MAGI1: variants seen among roughly 807,000 people sequenced by gnomAD.
MAGI1 encodes membrane associated guanylate kinase, WW and PDZ domain containing 1, also known as membrane-associated guanylate kinase, WW and PDZ domain-containing protein 1.
In MAGI1, 58 loss-of-function variants were observed where a neutral mutation model predicts 139.9. The ratio of observed to expected loss-of-function variants is 0.41; its 90% CI spans 0.34 to 0.52. MAGI1 has a LOEUF of 0.52. MAGI1 is among the 20% of genes least tolerant of loss of function. MAGI1 has a pLI of 0.12. For synonymous variants in MAGI1, 812 were observed against 737.9 expected, an observed-to-expected ratio of 1.10 and a Z score of -1.63; for missense variants, 1,874 against 1,901.6, an observed-to-expected ratio of 0.99 and a Z score of 0.27.
rs35498262 is a variant in MAGI1, at chr3:65,912,236, C to CAA, written c.313+125758_313+125759dup. The stretch of plus-strand genomic sequence containing the variant: ...TGGAAAACAAAGAAAACTCTGATCT[C>CAA]AAAAAAAAAAAAAAAAGAGTTCTGC... On this transcript the variant is annotated intron_variant, in intron 1 of 22. Transcript: ENST00000402939. 5.7e-3 allele frequency among the ~76,000 whole-genome samples: 743 copies of CAA among 130,946 alleles called. 12 individuals carry two copies. The highest frequency in any genetic ancestry group is 0.014 in the African/African-American group (520 of 36,286). 85.9% of individuals were successfully genotyped at this position (130,946 alleles called of 152,430 possible).
chr3:65,881,910 T>C (rs1233460550), intron 1 of MAGI1, among the ~76,000 whole-genome samples: 4 of 152,152 alleles, frequency 2.6e-5, no homozygotes, highest in Non-Finnish European at 4.4e-5. Flanking sequence ...GAAACGGCCC[T>C]AGCTAGGCAG....
intron 1 of MAGI1, among the ~76,000 whole-genome samples, chr3:65,809,606 T>C (rs2041090415): frequency 6.6e-6 from 1 of 152,138 alleles, no homozygotes; most frequent in Non-Finnish European, 1.5e-5. Flanking sequence ...TCAGCTGTGA[T>C]GGAAAACTCA....
intron 1 of MAGI1, among the ~76,000 whole-genome samples, chr3:65,860,186 G>A (rs1397998401): frequency 2.0e-5 from 3 of 152,058 alleles, no homozygotes; most frequent in East Asian, 1.9e-4. Context: ...GTCAGCCACC[G>A]CATCCAGCCT....
chr3:65,739,644 C>T (rs1038795262), intron 1 of MAGI1, among the ~76,000 whole-genome samples: 29 of 152,056 alleles, frequency 1.9e-4, no homozygotes, highest in African/African-American at 7.0e-4. Context: ...TTAAAGAGTC[C>T]ATTGCAGGGT....
At chr3:65,759,547 A>C (rs1275115830) in intron 1 of MAGI1, among the ~76,000 whole-genome samples, 2 of 152,196 alleles carry the variant, frequency 1.3e-5, no homozygotes, top group Non-Finnish European at 2.9e-5. Flanking sequence ...AAAAGCATCT[A>C]CTGCAAAATA....
chr3:65,659,011 G>A (rs983742161), intron 1 of MAGI1, among the ~76,000 whole-genome samples: 1 of 152,206 alleles, frequency 6.6e-6, no homozygotes, highest in Non-Finnish European at 1.5e-5. Context: ...CCTCTTGTAC[G>A]ATAAATGCCA....
chr3:65,527,923 AG>A (rs201940700), intron 2 of MAGI1, among the ~76,000 whole-genome samples: 6 of 151,494 alleles, frequency 4.0e-5, no homozygotes, highest in Admixed American at 6.6e-5. Flanking sequence ...AAAAAAAAAA[AG>A]TTAATTATAT....
At chr3:65,615,771 C>T (rs2083337293) in intron 2 of MAGI1, among the ~76,000 whole-genome samples, 1 of 152,142 alleles carries the variant, frequency 6.6e-6, no homozygotes, top group South Asian at 2.1e-4. Flanking sequence ...TATCTAATCC[C>T]ATGATTTTTT....
intron 1 of MAGI1, among the ~76,000 whole-genome samples, chr3:65,898,853 C>A (rs551000847): frequency 1.3e-5 from 2 of 152,188 alleles, no homozygotes; most frequent in South Asian, 4.2e-4. Context: ...ATCATATGTA[C>A]CCCATGAATA....
At chr3:65,860,056 T>C (rs901304846) in intron 1 of MAGI1, among the ~76,000 whole-genome samples, 3 of 151,952 alleles carry the variant, frequency 2.0e-5, no homozygotes, top group African/African-American at 4.8e-5. Flanking sequence ...CCACCATGCC[T>C]GGCTAATTTT....
chr3:65,944,349 C>A (rs2063458749), intron 1 of MAGI1, among the ~76,000 whole-genome samples: 1 of 151,482 alleles, frequency 6.6e-6, no homozygotes, highest in African/African-American at 2.4e-5. Flanking sequence ...TCTATCTCTA[C>A]AAAAAATAAA....
intron 1 of MAGI1, among the ~76,000 whole-genome samples, chr3:65,730,987 T>A (rs2034130166): frequency 6.7e-6 from 1 of 148,798 alleles, no homozygotes; most frequent in African/African-American, 2.4e-5. Flanking sequence ...AGAATCACAA[T>A]GAATCAAGTT....
At chr3:65,608,231 C>T (rs1276162306) in intron 2 of MAGI1, among the ~76,000 whole-genome samples, 1 of 152,102 alleles carries the variant, frequency 6.6e-6, no homozygotes, top group African/African-American at 2.4e-5. Context: ...CACCTGAGGT[C>T]AGGAGTTTGA....
chr3:65,913,662 A>C (rs1348573778), intron 1 of MAGI1, among the ~76,000 whole-genome samples: 1 of 152,224 alleles, frequency 6.6e-6, no homozygotes, highest in East Asian at 1.9e-4. Flanking sequence ...CAAATCCCTA[A>C]CAAAGTATTG....
At chr3:65,740,156 C>T (rs1413174026) in intron 1 of MAGI1, among the ~76,000 whole-genome samples, 3 of 152,178 alleles carry the variant, frequency 2.0e-5, no homozygotes, top group African/African-American at 7.2e-5. Context: ...CACACAGAAA[C>T]ATAACAACCC....
intron 6 of MAGI1, 175 bp downstream of exon 6, chr3:65,453,083 G>A (rs1329332887): frequency 1.7e-6 from 1 of 604,242 alleles, no homozygotes; most frequent in African/African-American, 1.8e-5. Context: ...TTCTTCTCTT[G>A]AAACAACTCT....
intron 1 of MAGI1, among the ~76,000 whole-genome samples, chr3:66,011,887 ATAGTAT>A (rs1330289156): frequency 1.3e-5 from 2 of 152,056 alleles, no homozygotes; most frequent in African/African-American, 2.4e-5. Flanking sequence ...TGGCCAGGTA[ATAGTAT>A]TAAGTTATTT....
intron 5 of MAGI1, among the ~76,000 whole-genome samples, chr3:65,465,981 G>A (rs1179804907): frequency 1.3e-5 from 2 of 152,046 alleles, no homozygotes; most frequent in Non-Finnish European, 2.9e-5. Flanking sequence ...CAGGTCCACT[G>A]ATTCTCTCCT....
chr3:65,572,314 A>G (rs796588171), intron 2 of MAGI1, among the ~76,000 whole-genome samples: 5 of 152,240 alleles, frequency 3.3e-5, no homozygotes, highest in African/African-American at 1.2e-4. Context: ...AAATGAGGAG[A>G]GCTGAATTTG....
Sources: gnomAD v4.1 joint callset for allele counts (sites outside exome capture counted in the v4.1 genomes callset) on GRCh38, gnomAD v4.1.1 for gene constraint, MANE v1.5 for transcripts, NCBI Gene and HGNC (gene_info 2026-07-23, HGNC 2026-07-21) for gene names.